EYS: variants seen among roughly 807,000 people sequenced by gnomAD.
EYS encodes EGF-like photoreceptor maintenance factor.
A neutral mutation model predicts 282.1 loss-of-function variants in EYS; 250 were observed. That is an observed-to-expected ratio of 0.89 (90% CI 0.80 to 0.98). EYS has a LOEUF of 0.98. Among genes scored for constraint, EYS ranks in the 50% least tolerant of loss-of-function variants. The pLI, the probability that EYS is intolerant of heterozygous loss-of-function variation, is 0.00. For missense variants in EYS, 4,016 were observed against 3,709.0 expected, an observed-to-expected ratio of 1.08 and a Z score of -2.15; for synonymous variants, 1,355 against 1,282.9, an observed-to-expected ratio of 1.06 and a Z score of -1.20.
intron 2 of EYS, among the ~76,000 whole-genome samples, chr6:65,545,669 C>T (rs1331210): frequency 0.75 from 113,387 of 152,008 alleles, 43,071 homozygotes; most frequent in African/African-American, 0.89. Context: ...ATTTTCAATA[C>T]AAATGGCTAA....
At chr6:64,107,285 TTA>T (rs55756711) in intron 31 of EYS, among the ~76,000 whole-genome samples, 20,446 of 101,078 alleles carry the variant, frequency 0.2, 1,942 homozygotes, top group East Asian at 0.4. Flanking sequence ...ATATATATAT[TTA>T]TATATATATA....
chr6:65,479,766 C>T (rs1765538896), intron 5 of EYS, among the ~76,000 whole-genome samples: 1 of 152,056 alleles, frequency 6.6e-6, no homozygotes, highest in South Asian at 2.1e-4. Context: ...GCAAATGTTT[C>T]ATAAAGAAGG....
intron 28 of EYS, among the ~76,000 whole-genome samples, chr6:64,399,984 T>C (rs1317157557): frequency 6.6e-6 from 1 of 151,946 alleles, no homozygotes; most frequent in Non-Finnish European, 1.5e-5. Flanking sequence ...CAGCAATGGA[T>C]CAGGTGATTA....
chr6:65,501,803 C>A (rs1418360228), intron 2 of EYS, among the ~76,000 whole-genome samples: 1 of 151,424 alleles, frequency 6.6e-6, no homozygotes, highest in Non-Finnish European at 1.5e-5. Context: ...TTTAAGCTTG[C>A]CTTAAAAAAT....
intron 31 of EYS, among the ~76,000 whole-genome samples, chr6:64,187,827 AT>A (rs111420649): frequency 0.065 from 9,839 of 151,100 alleles, 410 homozygotes; most frequent in Non-Finnish European, 0.091. Context: ...AATTAGACAG[AT>A]TTTTTTTTTA....
intron 31 of EYS, among the ~76,000 whole-genome samples, chr6:64,207,400 C>A (rs948133596): frequency 1.3e-5 from 2 of 152,044 alleles, no homozygotes; most frequent in African/African-American, 4.8e-5. Flanking sequence ...TTATAAATTA[C>A]CCAGTCTGCA....
At chr6:65,032,069 C>T (rs1772622360) in intron 13 of EYS, among the ~76,000 whole-genome samples, 1 of 151,964 alleles carries the variant, frequency 6.6e-6, no homozygotes, top group Admixed American at 6.6e-5. Context: ...AAAACAAAAA[C>T]AAACAAACAA....
intron 35 of EYS, among the ~76,000 whole-genome samples, chr6:63,888,631 CA>C (rs1773327907): frequency 6.6e-6 from 1 of 152,192 alleles, no homozygotes; most frequent in African/African-American, 2.4e-5. Context: ...AAACTCCATC[CA>C]AAGGTCATCA....
chr6:65,463,317 G>T (rs1384800070), intron 5 of EYS, among the ~76,000 whole-genome samples: 1 of 151,962 alleles, frequency 6.6e-6, no homozygotes, highest in Non-Finnish European at 1.5e-5. Context: ...ACTGTTCATT[G>T]CCTGACACCC....
At chr6:64,912,890 G>T (rs899499286) in intron 15 of EYS, 147 bp from the exon 16 acceptor site, 7 of 463,788 alleles carry the variant, frequency 1.5e-5, no homozygotes, top group Non-Finnish European at 2.2e-5. Flanking sequence ...TTAAAATATT[G>T]TTTGCCTAAT....
intron 2 of EYS, among the ~76,000 whole-genome samples, chr6:65,534,656 C>A (rs973248919): frequency 6.6e-6 from 1 of 152,100 alleles, no homozygotes; most frequent in Admixed American, 6.6e-5. Context: ...CATAACCAAT[C>A]ACATTGGATG....
chr6:63,842,254 C>T lies in EYS; in HGVS notation c.7228+21932G>A, dbSNP rs978544228. ...GTGTAAAAGCATTCCTATTTTTCCACATCCTCTCCAGCATCTGTTGTTTCC... is the reference window on the plus strand; with the variant it reads ...GTGTAAAAGCATTCCTATTTTTCCATATCCTCTCCAGCATCTGTTGTTTCC... On this transcript the variant is annotated intron_variant, in intron 36 of 42. Coordinates refer to ENST00000503581, the MANE Select transcript of EYS (RefSeq NM_001142800.2). 2.6e-5 allele frequency among the ~76,000 whole-genome samples: 4 copies of T among 152,322 alleles called. No individual in the cohort carries two copies. In the East Asian group the frequency reaches 5.8e-4, roughly 22 times the overall value.
intron 30 of EYS, among the ~76,000 whole-genome samples, chr6:64,277,193 C>T (rs1768144423): frequency 6.6e-6 from 1 of 152,036 alleles, no homozygotes; most frequent in Admixed American, 6.6e-5. Context: ...TAATGCTTGT[C>T]CCCCAAATAA....
chr6:64,830,987 C>T (rs963640703), intron 19 of EYS, among the ~76,000 whole-genome samples: 7 of 151,956 alleles, frequency 4.6e-5, no homozygotes, highest in African/African-American at 1.7e-4. Context: ...CAGTATGGGT[C>T]AACTATGAAG....
chr6:65,045,431 G>A (rs1773072904), intron 13 of EYS, among the ~76,000 whole-genome samples: 1 of 151,826 alleles, frequency 6.6e-6, no homozygotes, highest in Non-Finnish European at 1.5e-5. Context: ...GATTTCCAAT[G>A]TGAAAGTTTT....
chr6:65,679,587 T>C (rs190482417), intron 1 of EYS, among the ~76,000 whole-genome samples: 3 of 152,056 alleles, frequency 2.0e-5, no homozygotes, highest in Admixed American at 1.3e-4. Context: ...GTTTCAGTCA[T>C]ACAAGATGAA....
chr6:64,367,205 A>C (rs933730395), intron 29 of EYS, among the ~76,000 whole-genome samples: 1 of 152,080 alleles, frequency 6.6e-6, no homozygotes, highest in Non-Finnish European at 1.5e-5. Flanking sequence ...GAATATATTA[A>C]GTATGCTTTA....
intron 22 of EYS, among the ~76,000 whole-genome samples, chr6:64,796,627 C>T (rs544032772): frequency 1.3e-5 from 2 of 152,120 alleles, no homozygotes; most frequent in South Asian, 4.2e-4. Context: ...AATATCAGAC[C>T]GATACACACA....
At chr6:65,700,676 A>G (rs1769642871) in intron 1 of EYS, among the ~76,000 whole-genome samples, 1 of 152,092 alleles carries the variant, frequency 6.6e-6, no homozygotes, top group African/African-American at 2.4e-5. Flanking sequence ...AATGCACCTT[A>G]TATTTCTTCT....
Sources: gnomAD v4.1 joint callset for allele counts (sites outside exome capture counted in the v4.1 genomes callset) on GRCh38, gnomAD v4.1.1 for gene constraint, MANE v1.5 for transcripts, NCBI Gene and HGNC (gene_info 2026-07-23, HGNC 2026-07-21) for gene names.